The following TXNRD2 variants were observed in gnomAD, a reference collection of about 807,000 sequenced individuals.
TXNRD2 encodes the protein thioredoxin reductase 2.
A neutral mutation model predicts 70.8 loss-of-function variants in TXNRD2; 67 were observed. The ratio of observed to expected loss-of-function variants is 0.95; its 90% CI spans 0.78 to 1.16. The LOEUF (loss-of-function observed/expected upper bound fraction) is 1.16, where lower values mean the gene tolerates loss of function less well. Ranked by LOEUF, TXNRD2 falls within the 50% of genes most tolerant of loss-of-function variation. TXNRD2 has a pLI of 0.00. For synonymous variants in TXNRD2, 301 were observed against 295.8 expected (o/e 1.02, Z -0.18); for missense variants, 644 against 719.9 (o/e 0.89, Z 1.21).
At position 19,895,486 on chromosome 22, in the gene TXNRD2, G is replaced by A. The variant is rs1939463020; in HGVS notation, c.870C>T (p.Gly290=). Reference sequence around the variant, plus strand: ...TGTCCTCCCAGGTGACCTGCAGCTGGCCATCAGGGAGCCTCCTGACCCGCG... The same window carrying A: ...TGTCCTCCCAGGTGACCTGCAGCTGACCATCAGGGAGCCTCCTGACCCGCG... ...APSRVRRLPD[G]QLQVTWEDST... The change falls in exon 11 of 18, where the codon GGC becomes GGT. Residue 290 remains glycine (G), a synonymous_variant. Coordinates refer to ENST00000400521, the MANE Select transcript of TXNRD2 (RefSeq NM_006440.5). The A allele has an allele frequency of 2.5e-6, 4 of 1,613,922 alleles. No homozygotes were observed. The African/African-American group carries it at 4.0e-5, about 16-fold the overall frequency.
Position 19,915,288 on chromosome 22 carries a change from A to C in TXNRD2, c.529-12T>G. On this transcript the variant is annotated splice_polypyrimidine_tract_variant and intron_variant, in intron 6 of 17. Transcript: ENST00000400521. ...GCTGACAGCAGAATCTGAGGAGAAA[A>C]AGAGAAAGCCGTGGGTCAGACAGGT... The C allele has an allele frequency of 6.2e-7, 1 of 1,612,762 alleles. No individual in the cohort carries two copies. Among genetic ancestry groups the C allele is most frequent in the African/African-American group, 1.3e-5 (1 of 74,990 alleles).
chr22:19,888,416 G>C (rs1407775096), intron 11 of TXNRD2, among the ~76,000 whole-genome samples: 1 of 152,242 alleles, frequency 6.6e-6, no homozygotes, highest in Non-Finnish European at 1.5e-5. Flanking sequence ...GGGACACGGG[G>C]ACGGCCAGCC....
At chr22:19,913,132 G>A (rs61675186) in intron 7 of TXNRD2, among the ~76,000 whole-genome samples, 4,441 of 150,566 alleles carry the variant, frequency 0.029, 94 homozygotes, top group South Asian at 0.088. Flanking sequence ...CCCTCACCCC[G>A]GGGCCCCTTC....
At chr22:19,922,327 T>C (rs1462930659) in intron 2 of TXNRD2, among the ~76,000 whole-genome samples, 2 of 152,212 alleles carry the variant, frequency 1.3e-5, no homozygotes, top group African/African-American at 2.4e-5. Flanking sequence ...TCACATATGA[T>C]GAACTATCTG....
intron 8 of TXNRD2, among the ~76,000 whole-genome samples, chr22:19,906,577 G>A (rs557527738): frequency 2.6e-5 from 4 of 152,148 alleles, no homozygotes; most frequent in African/African-American, 9.6e-5. Flanking sequence ...AGCCATGATC[G>A]CACCACTGCA....
At chr22:19,881,018 C>T in intron 12 of TXNRD2, 5 of 545,998 alleles carry the variant, frequency 9.2e-6, no homozygotes, top group Non-Finnish European at 1.6e-5. Flanking sequence ...CTCCAAACCC[C>T]TTCTGCACAT....
At chr22:19,905,423 G>C (rs1939965289) in intron 8 of TXNRD2, among the ~76,000 whole-genome samples, 1 of 152,022 alleles carries the variant, frequency 6.6e-6, no homozygotes, top group South Asian at 2.1e-4. Flanking sequence ...CGAGCCAGCT[G>C]CCCCCAGCAC....
chr22:19,893,344 A>G (rs1939347822), intron 11 of TXNRD2, among the ~76,000 whole-genome samples: 3 of 152,210 alleles, frequency 2.0e-5, no homozygotes, highest in Admixed American at 2.0e-4. Context: ...CGCCTTCAAC[A>G]TGCAAGTTGA....
At chr22:19,910,946 G>A (rs907313757) in intron 8 of TXNRD2, 9 of 282,604 alleles carry the variant, frequency 3.2e-5, no homozygotes, top group African/African-American at 1.8e-4. Flanking sequence ...GTGGTGGTGG[G>A]CGCCTGTAAT....
At chr22:19,912,616 C>A (rs1177394116) in intron 7 of TXNRD2, among the ~76,000 whole-genome samples, 1 of 152,198 alleles carries the variant, frequency 6.6e-6, no homozygotes, top group Non-Finnish European at 1.5e-5. Flanking sequence ...CACCATGAGC[C>A]CAGCTGCCAG....
chr22:19,940,154 A>C (rs1455487008), intron 1 of TXNRD2, among the ~76,000 whole-genome samples: 2 of 146,610 alleles, frequency 1.4e-5, no homozygotes, highest in Non-Finnish European at 3.0e-5. Flanking sequence ...CTGAGGCAGG[A>C]GAATGGCGTG....
intron 8 of TXNRD2, among the ~76,000 whole-genome samples, chr22:19,899,604 A>G (rs1286694687): frequency 6.6e-6 from 1 of 152,228 alleles, no homozygotes; most frequent in Non-Finnish European, 1.5e-5. Flanking sequence ...GGGACAAGGG[A>G]GGCAGCACAG....
chr22:19,898,347 C>G (rs1051104069), intron 9 of TXNRD2, among the ~76,000 whole-genome samples: 10 of 152,202 alleles, frequency 6.6e-5, no homozygotes, highest in Non-Finnish European at 1.3e-4. Flanking sequence ...GGCCTCTGGC[C>G]TCTGCTCCCA....
intron 8 of TXNRD2, among the ~76,000 whole-genome samples, chr22:19,900,229 G>C (rs1205330365): frequency 5.9e-5 from 9 of 152,132 alleles, no homozygotes; most frequent in African/African-American, 2.2e-4. Flanking sequence ...AGCGAAGGGG[G>C]ACCCTGGGAC....
chr22:19,916,013 G>A, intron 5 of TXNRD2, 170 bp from the exon 6 acceptor site: 1 of 643,596 alleles, frequency 1.6e-6, no homozygotes, highest in Non-Finnish European at 2.8e-6. Flanking sequence ...GCATGGAGGG[G>A]ATGTGGGGGC....
chr22:19,929,403 C>T (rs1262745197), intron 2 of TXNRD2, among the ~76,000 whole-genome samples: 1 of 151,606 alleles, frequency 6.6e-6, no homozygotes, highest in African/African-American at 2.4e-5. Flanking sequence ...GAGGCTAAGG[C>T]AGGAGGATGG....
At chr22:19,939,629 C>A (rs1390632413) in intron 1 of TXNRD2, among the ~76,000 whole-genome samples, 2 of 152,160 alleles carry the variant, frequency 1.3e-5, no homozygotes, top group African/African-American at 4.8e-5. Flanking sequence ...TTGCACCGCT[C>A]AGCCAGGAGA....
intron 13 of TXNRD2, 25 bp downstream of exon 13, chr22:19,880,597 C>T (rs759229915): frequency 1.1e-5 from 18 of 1,607,184 alleles, no homozygotes; most frequent in Admixed American, 3.3e-5. Flanking sequence ...CTAGGCTGCA[C>T]GTGGCGTCCT....
intron 17 of TXNRD2, chr22:19,876,043 AATGTTCTGATAAG>A (rs1938490928): frequency 6.6e-6 from 1 of 152,258 alleles, no homozygotes; most frequent in South Asian, 2.1e-4. Context: ...TGGGAGGTGT[AATGTTCTGATAAG>A]AGTTTCCTCA....
Sources: allele counts gnomAD v4.1 joint callset (sites outside exome capture counted in the v4.1 genomes callset), GRCh38; gene constraint gnomAD v4.1.1; transcripts MANE v1.5; gene names NCBI Gene and HGNC (gene_info 2026-07-23, HGNC 2026-07-21).